Variants in SUGCT observed in about 807,000 individuals in gnomAD.
SUGCT encodes the protein succinyl-CoA:glutarate-CoA transferase.
Under a neutral mutation model 55.0 loss-of-function variants are expected in SUGCT, and 41 were observed. The observed-to-expected ratio is 0.74, with a 90% CI of 0.58 to 0.97. The LOEUF is 0.97. SUGCT is among the 50% of genes least tolerant of loss of function. The pLI is 0.00. For synonymous variants in SUGCT, 187 were observed against 200.4 expected (o/e 0.93, Z 0.56); for missense variants, 568 against 547.8 (o/e 1.04, Z -0.37).
At chr7:40,226,422 C>T (rs1461459630) in intron 6 of SUGCT, among the ~76,000 whole-genome samples, 2 of 152,078 alleles carry the variant, frequency 1.3e-5, no homozygotes, top group Non-Finnish European at 2.9e-5. Flanking sequence ...AACTTTGGAC[C>T]ATTTGCTGAC....
At chr7:40,995,901 C>G in the SUGCT span, among the ~76,000 whole-genome samples, 1 of 152,090 alleles carries the variant, frequency 6.6e-6, no homozygotes, top group Non-Finnish European at 1.5e-5. Context: ...TGAAAAGGGA[C>G]TAACTTTGTT....
chr7:40,474,076 A>G (rs1354681187), intron 11 of SUGCT, among the ~76,000 whole-genome samples: 2 of 152,144 alleles, frequency 1.3e-5, no homozygotes, highest in Non-Finnish European at 2.9e-5. Context: ...GGTAACATAA[A>G]ACAATCAAGG....
chr7:40,187,036 A>G (rs1423794801), intron 3 of SUGCT, among the ~76,000 whole-genome samples: 1 of 152,236 alleles, frequency 6.6e-6, no homozygotes, highest in Non-Finnish European at 1.5e-5. Flanking sequence ...GAACCAACCC[A>G]AATGTCCAAC....
At chr7:40,900,808 G>A in the SUGCT span, among the ~76,000 whole-genome samples, 2 of 152,236 alleles carry the variant, frequency 1.3e-5, no homozygotes, top group African/African-American at 4.8e-5. Context: ...AACCTTGGAA[G>A]AAGAATGGCA....
the SUGCT span, among the ~76,000 whole-genome samples, chr7:40,902,261 T>C: frequency 6.6e-6 from 1 of 152,208 alleles, no homozygotes; most frequent in Non-Finnish European, 1.5e-5. Context: ...AATATGTTTA[T>C]GTTTAATATA....
chr7:40,467,983 T>TA (rs1483639392), intron 11 of SUGCT, among the ~76,000 whole-genome samples: 8 of 151,252 alleles, frequency 5.3e-5, no homozygotes, highest in African/African-American at 1.2e-4. Flanking sequence ...TTTTTTTTTT[T>TA]AACTAAAAGA....
At chr7:40,221,613 C>A (rs907640025) in intron 6 of SUGCT, among the ~76,000 whole-genome samples, 4 of 150,068 alleles carry the variant, frequency 2.7e-5, no homozygotes, top group Non-Finnish European at 5.9e-5. Flanking sequence ...GCCTCAACCT[C>A]CCGAGTAGCT....
intron 12 of SUGCT, among the ~76,000 whole-genome samples, chr7:40,650,477 G>A (rs1037699368): frequency 6.6e-6 from 1 of 152,104 alleles, no homozygotes; most frequent in African/African-American, 2.4e-5. Context: ...CAACACTAAA[G>A]GTTTGGTCCG....
intron 1 of SUGCT, among the ~76,000 whole-genome samples, chr7:40,136,622 G>A (rs532479527): frequency 6.6e-6 from 1 of 152,326 alleles, no homozygotes; most frequent in African/African-American, 2.4e-5. Flanking sequence ...AATTAAGGTC[G>A]GAGGACTCCA....
intron 9 of SUGCT, among the ~76,000 whole-genome samples, chr7:40,445,305 A>T (rs1788759496): frequency 1.3e-5 from 2 of 152,190 alleles, no homozygotes; most frequent in South Asian, 4.1e-4. Context: ...ATAAAAAATG[A>T]TAAAGGGGAT....
chr7:40,405,489 T>C (rs1257098716), intron 9 of SUGCT, among the ~76,000 whole-genome samples: 1 of 152,126 alleles, frequency 6.6e-6, no homozygotes, highest in Admixed American at 6.6e-5. Flanking sequence ...CTACTTAGTA[T>C]AGAAAATATT....
At chr7:40,686,625 C>A (rs1392005114) in intron 12 of SUGCT, among the ~76,000 whole-genome samples, 3 of 151,400 alleles carry the variant, frequency 2.0e-5, no homozygotes, top group Non-Finnish European at 4.4e-5. Flanking sequence ...ATTGAAGGAC[C>A]CCAAATATCA....
rs528527014 is a variant in SUGCT, at chr7:40,286,267, C to G, written c.720+11611C>G. Reference sequence around the variant, plus strand: ...GGGTTTGCTAAAGATAACAGGGGCACTTGTGTTAGGCTGGGTAGGAAAGAT... The same window carrying G: ...GGGTTTGCTAAAGATAACAGGGGCAGTTGTGTTAGGCTGGGTAGGAAAGAT... On this transcript the variant is annotated intron_variant, in intron 8 of 13. Transcript: ENST00000335693. Among the ~76,000 whole-genome samples the G allele has an allele frequency of 5.9e-5, 9 of 152,254 alleles. No homozygotes were observed. In the South Asian group the frequency reaches 1.4e-3, roughly 25 times the overall value.
intron 6 of SUGCT, among the ~76,000 whole-genome samples, chr7:40,201,856 C>T (rs1786625690): frequency 6.6e-6 from 1 of 152,184 alleles, no homozygotes; most frequent in Non-Finnish European, 1.5e-5. Context: ...TACTGGAGTA[C>T]CACCAGATGC....
intron 12 of SUGCT, among the ~76,000 whole-genome samples, chr7:40,588,743 A>G (rs906918361): frequency 1.3e-5 from 2 of 152,204 alleles, no homozygotes; most frequent in Non-Finnish European, 2.9e-5. Context: ...GGAACATGTA[A>G]ATTACAGGAT....
the SUGCT span, among the ~76,000 whole-genome samples, chr7:40,911,090 A>T: frequency 6.6e-6 from 1 of 152,150 alleles, no homozygotes; most frequent in Non-Finnish European, 1.5e-5. Context: ...GCCATGGCTG[A>T]CAGGCATAAC....
chr7:40,770,003 T>G (rs1789010093), intron 13 of SUGCT, among the ~76,000 whole-genome samples: 3 of 151,604 alleles, frequency 2.0e-5, no homozygotes. Context: ...AATATGCATT[T>G]GATTTTTATG....
chr7:40,905,140 A>C, the SUGCT span, among the ~76,000 whole-genome samples: 1 of 152,182 alleles, frequency 6.6e-6, no homozygotes, highest in African/African-American at 2.4e-5. Flanking sequence ...TTTGATACAT[A>C]TCTCCAACAA....
chr7:40,275,471 A>C (rs1160657278), intron 8 of SUGCT, among the ~76,000 whole-genome samples: 3 of 152,210 alleles, frequency 2.0e-5, no homozygotes, highest in Non-Finnish European at 4.4e-5. Context: ...ATTAAACCAC[A>C]ATATCTAATA....
Sources: gnomAD v4.1 joint callset for allele counts (sites outside exome capture counted in the v4.1 genomes callset) on GRCh38, gnomAD v4.1.1 for gene constraint, MANE v1.5 for transcripts, NCBI Gene and HGNC (gene_info 2026-07-23, HGNC 2026-07-21) for gene names.